Variants in LHFPL3 observed in about 807,000 individuals in gnomAD.
LHFPL3 encodes the protein LHFPL tetraspan subfamily member 3.
A neutral mutation model predicts 19.3 loss-of-function variants in LHFPL3; 5 were observed. The ratio of observed to expected loss-of-function variants is 0.26; its 90% CI spans 0.14 to 0.54. The LOEUF (loss-of-function observed/expected upper bound fraction) is 0.54. Among genes scored for constraint, LHFPL3 ranks in the 20% least tolerant of loss-of-function variants. The pLI, the probability that LHFPL3 is intolerant of heterozygous loss-of-function variation, is 0.94. For missense variants in LHFPL3, 249 were observed against 307.4 expected, an observed-to-expected ratio of 0.81 and a Z score of 1.42; for synonymous variants, 133 against 126.2, an observed-to-expected ratio of 1.05 and a Z score of -0.36.
Position 104,328,642 on chromosome 7 carries a change from T to C in LHFPL3, c.-138T>C. ...CTTCCGGGAGCGAGGATGCAGACTCTGAAACTGGTGCTGCTGGGCTGAGGC... is the reference window on the plus strand; with the variant it reads ...CTTCCGGGAGCGAGGATGCAGACTCCGAAACTGGTGCTGCTGGGCTGAGGC... On this transcript the variant is annotated 5_prime_UTR_variant, in exon 1 of 3. Transcript: ENST00000424859. The surrounding 1 kb of genome is among the most constrained non-coding windows in gnomAD (Gnocchi z 4.6). The C allele has an allele frequency of 1.3e-6, 1 of 759,470 alleles. No homozygotes were observed. The highest frequency in any genetic ancestry group is 1.7e-5 in the South Asian group (1 of 58,242). 47.0% of individuals were successfully genotyped at this position (759,470 alleles called of 1,614,324 possible). A position where few individuals can be genotyped will look rare whatever the true frequency, so the allele number is the denominator to read the frequency against.
chr7:104,634,596 T>C (rs1199690402), intron 1 of LHFPL3, among the ~76,000 whole-genome samples: 1 of 152,164 alleles, frequency 6.6e-6, no homozygotes, highest in Non-Finnish European at 1.5e-5. Context: ...GCCGAGTGAA[T>C]AGTGAAACTC....
intron 1 of LHFPL3, among the ~76,000 whole-genome samples, chr7:104,554,727 T>G (rs963982367): frequency 6.6e-6 from 1 of 152,086 alleles, no homozygotes; most frequent in African/African-American, 2.4e-5. Flanking sequence ...TTATGGAAAT[T>G]GGCTTATGCA....
intron 1 of LHFPL3, among the ~76,000 whole-genome samples, chr7:104,622,164 T>TA (rs1173469133): frequency 6.6e-6 from 1 of 152,212 alleles, no homozygotes; most frequent in Non-Finnish European, 1.5e-5. Context: ...TGCAGAGGCC[T>TA]AATCATGACT....
At chr7:104,449,124 C>A (rs568861468) in intron 1 of LHFPL3, among the ~76,000 whole-genome samples, 6 of 152,268 alleles carry the variant, frequency 3.9e-5, no homozygotes, top group African/African-American at 1.4e-4. Context: ...GACTTCTGAA[C>A]TGAAAGATAG....
chr7:104,725,265 G>A (rs1793568660), intron 1 of LHFPL3, among the ~76,000 whole-genome samples: 1 of 152,076 alleles, frequency 6.6e-6, no homozygotes. Context: ...AGGACTTTGA[G>A]AAAAGACGTC....
intron 1 of LHFPL3, among the ~76,000 whole-genome samples, chr7:104,517,906 A>C (rs1015977010): frequency 1.3e-5 from 2 of 152,060 alleles, no homozygotes; most frequent in African/African-American, 4.8e-5. Flanking sequence ...TAGGAGAAAT[A>C]CCTAATGTAG....
At chr7:104,334,830 TA>T (rs1417071073) in intron 1 of LHFPL3, among the ~76,000 whole-genome samples, 3 of 152,246 alleles carry the variant, frequency 2.0e-5, no homozygotes, top group African/African-American at 4.8e-5. Flanking sequence ...ATTTTCTCAT[TA>T]AAAAAACCTC....
At chr7:104,365,534 C>T (rs1370500362) in intron 1 of LHFPL3, among the ~76,000 whole-genome samples, 1 of 151,328 alleles carries the variant, frequency 6.6e-6, no homozygotes, top group East Asian at 2.0e-4. Flanking sequence ...GTAATCCCAG[C>T]ACTTTGGGAG....
At chr7:104,809,073 T>G (rs1584546169) in intron 2 of LHFPL3, among the ~76,000 whole-genome samples, 2 of 152,064 alleles carry the variant, frequency 1.3e-5, no homozygotes, top group East Asian at 3.9e-4. Flanking sequence ...TTTTGTATTT[T>G]TAGTAGAGAC....
chr7:104,586,343 A>G (rs1473268785), intron 1 of LHFPL3, among the ~76,000 whole-genome samples: 1 of 152,130 alleles, frequency 6.6e-6, no homozygotes, highest in Non-Finnish European at 1.5e-5. Context: ...AAAAACAGCT[A>G]TTATAATTCA....
chr7:104,542,609 C>T (rs535492326), intron 1 of LHFPL3, among the ~76,000 whole-genome samples: 1 of 152,238 alleles, frequency 6.6e-6, no homozygotes, highest in Admixed American at 6.5e-5. Context: ...TCATAGTCCT[C>T]AATAAGGCAT....
intron 1 of LHFPL3, among the ~76,000 whole-genome samples, chr7:104,459,496 C>T (rs558788742): frequency 1.3e-5 from 2 of 152,294 alleles, no homozygotes; most frequent in South Asian, 4.2e-4. Flanking sequence ...AAACTGCTGC[C>T]ATGGACCATC....
chr7:104,803,875 T>A (rs540237437), intron 2 of LHFPL3: 1 of 152,348 alleles, frequency 6.6e-6, no homozygotes, highest in South Asian at 2.1e-4. Flanking sequence ...TTGCACTATA[T>A]CCAATAATCA....
At chr7:104,557,170 T>A (rs1789857852) in intron 1 of LHFPL3, among the ~76,000 whole-genome samples, 1 of 152,190 alleles carries the variant, frequency 6.6e-6, no homozygotes. Flanking sequence ...AGTTCCAAAG[T>A]CGCTTTCACA....
intron 1 of LHFPL3, among the ~76,000 whole-genome samples, chr7:104,575,183 A>G (rs543073690): frequency 6.6e-6 from 1 of 152,298 alleles, no homozygotes; most frequent in East Asian, 1.9e-4. Flanking sequence ...CTTAGAGGGA[A>G]TCCCATTTTC....
chr7:104,764,285 C>T (rs978040866), intron 2 of LHFPL3, among the ~76,000 whole-genome samples: 1 of 152,184 alleles, frequency 6.6e-6, no homozygotes, highest in Non-Finnish European at 1.5e-5. Flanking sequence ...TCTCCTACCT[C>T]AGCCTCCTGA....
At chr7:104,616,454 G>A (rs1455840096) in intron 1 of LHFPL3, among the ~76,000 whole-genome samples, 1 of 152,090 alleles carries the variant, frequency 6.6e-6, no homozygotes, top group Non-Finnish European at 1.5e-5. Context: ...ACTGAAACTG[G>A]ATCCCTTCCT....
At chr7:104,699,992 A>T (rs1562968389) in intron 1 of LHFPL3, among the ~76,000 whole-genome samples, 1 of 152,058 alleles carries the variant, frequency 6.6e-6, no homozygotes, top group East Asian at 1.9e-4. Flanking sequence ...GTCAGCTGCA[A>T]CCTCTATTCA....
At chr7:104,379,100 G>A (rs1235624288) in intron 1 of LHFPL3, among the ~76,000 whole-genome samples, 3 of 152,158 alleles carry the variant, frequency 2.0e-5, no homozygotes, top group African/African-American at 7.2e-5. Context: ...TATAAACTTA[G>A]CACAGAAGTT....
Sources: gnomAD v4.1 joint callset for allele counts (sites outside exome capture counted in the v4.1 genomes callset) on GRCh38, gnomAD v4.1.1 for gene constraint, Gnocchi (gnomAD v3.1) non-coding constraint, MANE v1.5 for transcripts, NCBI Gene and HGNC (gene_info 2026-07-23, HGNC 2026-07-21) for gene names.